The following SLC25A21 variants were observed in gnomAD, a reference collection of about 807,000 sequenced individuals.
The protein encoded by SLC25A21 is solute carrier family 25 member 21, also known as mitochondrial 2-oxodicarboxylate carrier.
A neutral mutation model predicts 43.8 loss-of-function variants in SLC25A21; 47 were observed. The observed-to-expected ratio is 1.07, with a 90% CI of 0.85 to 1.37. SLC25A21 has a LOEUF of 1.37. SLC25A21 is among the 40% of genes most tolerant of loss of function. SLC25A21 has a pLI of 0.00. For missense variants in SLC25A21, 352 were observed against 350.2 expected, an observed-to-expected ratio of 1.00 and a Z score of -0.04; for synonymous variants, 131 against 121.3, an observed-to-expected ratio of 1.08 and a Z score of -0.52.
intron 2 of SLC25A21, among the ~76,000 whole-genome samples, chr14:36,874,662 G>GT (rs1160252343): frequency 6.6e-6 from 1 of 152,162 alleles, no homozygotes; most frequent in Admixed American, 6.5e-5. Context: ...ATAAAGTTTA[G>GT]TTTTTACATC....
intron 1 of SLC25A21, among the ~76,000 whole-genome samples, chr14:37,149,411 A>G (rs1963720602): frequency 6.6e-6 from 1 of 152,154 alleles, no homozygotes; most frequent in African/African-American, 2.4e-5. Flanking sequence ...CAGAATATAA[A>G]TTAAATGTTT....
intron 2 of SLC25A21, among the ~76,000 whole-genome samples, chr14:36,856,791 A>G (rs558302989): frequency 4.8e-4 from 73 of 152,270 alleles, no homozygotes; most frequent in African/African-American, 1.6e-3. Flanking sequence ...CATGAAGGAG[A>G]CAGATCTATG....
chr14:37,004,233 C>G (rs2138728914), intron 1 of SLC25A21, among the ~76,000 whole-genome samples: 1 of 152,156 alleles, frequency 6.6e-6, no homozygotes, highest in East Asian at 1.9e-4. Flanking sequence ...TTTTTATTTT[C>G]CAAAAGCAAC....
intron 3 of SLC25A21, among the ~76,000 whole-genome samples, chr14:36,782,274 C>T (rs1183302697): frequency 6.6e-6 from 1 of 152,082 alleles, no homozygotes; most frequent in African/African-American, 2.4e-5. Flanking sequence ...CACATCTTGC[C>T]CAATATTTGG....
intron 1 of SLC25A21, among the ~76,000 whole-genome samples, chr14:36,945,873 T>C (rs924054028): frequency 2.0e-5 from 3 of 152,190 alleles, no homozygotes; most frequent in African/African-American, 2.4e-5. Context: ...GTAAATTTTA[T>C]GTTATGTGTA....
chr14:36,874,845 A>T, intron 2 of SLC25A21, 111 bp downstream of exon 2: 1 of 757,696 alleles, frequency 1.3e-6, no homozygotes, highest in Non-Finnish European at 2.1e-6. Flanking sequence ...TATAACTGCC[A>T]TTACAGAGAG....
intron 1 of SLC25A21, among the ~76,000 whole-genome samples, chr14:36,929,159 T>C (rs1049315324): frequency 7.9e-5 from 12 of 152,106 alleles, no homozygotes; most frequent in Admixed American, 2.6e-4. Context: ...AAAAAAATCA[T>C]CTGCTCTGAA....
chr14:36,982,276 C>T (rs1960045378), intron 1 of SLC25A21, among the ~76,000 whole-genome samples: 1 of 152,196 alleles, frequency 6.6e-6, no homozygotes, highest in Non-Finnish European at 1.5e-5. Flanking sequence ...AAGTGTGACT[C>T]ATTGAGAATC....
chr14:37,036,470 G>A (rs1961329750), intron 1 of SLC25A21, among the ~76,000 whole-genome samples: 1 of 152,162 alleles, frequency 6.6e-6, no homozygotes, highest in South Asian at 2.1e-4. Flanking sequence ...ATTCCTGGCT[G>A]GGTGCGGTGT....
intron 1 of SLC25A21, among the ~76,000 whole-genome samples, chr14:37,022,125 T>C (rs1961000195): frequency 1.3e-5 from 2 of 151,912 alleles, no homozygotes; most frequent in Admixed American, 6.6e-5. Context: ...AGAAATCCAT[T>C]GATGACATAC....
At chr14:36,836,999 A>T (rs907754449) in intron 2 of SLC25A21, among the ~76,000 whole-genome samples, 4 of 152,164 alleles carry the variant, frequency 2.6e-5, no homozygotes, top group Admixed American at 1.3e-4. Context: ...AAGACTAAAG[A>T]AAAACAAGAG....
chr14:36,844,549 T>C (rs1463740457), intron 2 of SLC25A21, among the ~76,000 whole-genome samples: 1 of 152,214 alleles, frequency 6.6e-6, no homozygotes, highest in East Asian at 1.9e-4. Context: ...ATTTCCATTT[T>C]ATTTTACCTA....
intron 7 of SLC25A21, among the ~76,000 whole-genome samples, chr14:36,699,658 G>C (rs1435076847): frequency 6.6e-6 from 1 of 152,166 alleles, no homozygotes. Flanking sequence ...AGCGATGGTG[G>C]ATGTCCCTCC....
At chr14:36,973,111 A>C (rs1235667696) in intron 1 of SLC25A21, among the ~76,000 whole-genome samples, 1 of 151,860 alleles carries the variant, frequency 6.6e-6, no homozygotes, top group Non-Finnish European at 1.5e-5. Flanking sequence ...TTAATCATGA[A>C]GGAAAGAGTC....
At chr14:36,789,926 T>C (rs1463888836) in intron 3 of SLC25A21, among the ~76,000 whole-genome samples, 4 of 126,084 alleles carry the variant, frequency 3.2e-5, no homozygotes, top group Non-Finnish European at 6.4e-5. Context: ...TATATATTTA[T>C]ATATTATATA....
chr14:36,877,935 T>C (rs893410287), intron 1 of SLC25A21, among the ~76,000 whole-genome samples: 1 of 152,110 alleles, frequency 6.6e-6, no homozygotes, highest in Non-Finnish European at 1.5e-5. Context: ...TTTTTTCTTA[T>C]TACCAATGTA....
intron 1 of SLC25A21, among the ~76,000 whole-genome samples, chr14:37,110,233 T>C (rs1301804174): frequency 6.6e-6 from 1 of 152,164 alleles, no homozygotes; most frequent in Admixed American, 6.6e-5. Flanking sequence ...TGTTAAGAGG[T>C]TGCATTGGTT....
At chr14:37,058,107 A>G (rs1961869574) in intron 1 of SLC25A21, among the ~76,000 whole-genome samples, 2 of 152,240 alleles carry the variant, frequency 1.3e-5, no homozygotes, top group African/African-American at 4.8e-5. Flanking sequence ...TCAAAATTTT[A>G]TTAAACAATT....
chr14:37,097,050 T>G (rs1026851346), intron 1 of SLC25A21: 1 of 151,700 alleles, frequency 6.6e-6, no homozygotes, highest in Non-Finnish European at 1.5e-5. Context: ...TTGTTTTTTT[T>G]TGTTTGTTTT....
Sources: allele counts gnomAD v4.1 joint callset (sites outside exome capture counted in the v4.1 genomes callset), GRCh38; gene constraint gnomAD v4.1.1; transcripts MANE v1.5; gene names NCBI Gene and HGNC (gene_info 2026-07-23, HGNC 2026-07-21).